The following CSMD1 variants were observed in gnomAD, a reference collection of about 807,000 sequenced individuals.
CSMD1 encodes the protein CUB and sushi domain-containing protein 1.
In CSMD1, 213 loss-of-function variants were observed where a neutral mutation model predicts 417.5. The observed-to-expected ratio is 0.51, with a 90% CI of 0.46 to 0.57. The LOEUF (loss-of-function observed/expected upper bound fraction) is 0.57, where lower values mean the gene tolerates loss of function less well. Among genes scored for constraint, CSMD1 ranks in the 20% least tolerant of loss-of-function variants. The pLI is 0.00. For missense variants in CSMD1, 6,923 were observed against 4,529.7 expected, an observed-to-expected ratio of 1.53 and a Z score of -15.17; for synonymous variants, 2,862 against 1,736.8, an observed-to-expected ratio of 1.65 and a Z score of -16.11.
chr8:4,955,767 AACTG>A (rs201515080), intron 1 of CSMD1, among the ~76,000 whole-genome samples: 70,634 of 151,708 alleles, frequency 0.47, 17,377 homozygotes, highest in East Asian at 0.78. Context: ...CTCTCTTCCA[AACTG>A]CATGTTAGGT....
intron 1 of CSMD1, among the ~76,000 whole-genome samples, chr8:4,663,106 C>T (rs1804703951): frequency 6.6e-6 from 1 of 152,146 alleles, no homozygotes; most frequent in Non-Finnish European, 1.5e-5. Flanking sequence ...AGGGCCAGAT[C>T]ACGTGGGCTT....
intron 3 of CSMD1, among the ~76,000 whole-genome samples, chr8:4,324,618 G>C (rs569546460): frequency 1.3e-5 from 2 of 152,314 alleles, no homozygotes; most frequent in East Asian, 3.9e-4. Flanking sequence ...GGCCATTTAT[G>C]ACCTCCCATA....
chr8:3,342,497 A>G (rs1807723065), intron 23 of CSMD1, among the ~76,000 whole-genome samples: 1 of 152,226 alleles, frequency 6.6e-6, no homozygotes. Flanking sequence ...TAATTAGTTA[A>G]TTTTAATTAC....
intron 3 of CSMD1, among the ~76,000 whole-genome samples, chr8:4,179,257 C>A (rs1175273820): frequency 6.6e-6 from 1 of 151,978 alleles, no homozygotes; most frequent in East Asian, 1.9e-4. Flanking sequence ...AGAACAGAGC[C>A]CTCAGAAATA....
At chr8:3,571,905 C>T (rs1020568825) in intron 10 of CSMD1, among the ~76,000 whole-genome samples, 1 of 152,214 alleles carries the variant, frequency 6.6e-6, no homozygotes, top group Non-Finnish European at 1.5e-5. Flanking sequence ...GTCCTCTCCA[C>T]CGAAAGGGCT....
intron 5 of CSMD1, among the ~76,000 whole-genome samples, chr8:3,975,551 G>C (rs986209822): frequency 2.0e-5 from 3 of 152,116 alleles, no homozygotes; most frequent in Non-Finnish European, 4.4e-5. Flanking sequence ...CCCACTGTCG[G>C]GATGACGGGC....
chr8:4,429,779 T>C (rs1479069949), intron 2 of CSMD1, among the ~76,000 whole-genome samples: 1 of 152,150 alleles, frequency 6.6e-6, no homozygotes, highest in Non-Finnish European at 1.5e-5. Context: ...CACCCGTATT[T>C]GTTGAAATAT....
intron 5 of CSMD1, among the ~76,000 whole-genome samples, chr8:3,838,607 T>A (rs1325970167): frequency 7.3e-6 from 1 of 137,092 alleles, no homozygotes; most frequent in East Asian, 2.0e-4. Flanking sequence ...TATAAATATT[T>A]ATATATAATA....
intron 6 of CSMD1, among the ~76,000 whole-genome samples, chr8:3,717,409 T>C (rs912952379): frequency 9.8e-5 from 14 of 143,126 alleles, no homozygotes; most frequent in African/African-American, 3.2e-4. Flanking sequence ...AATTTTGTTT[T>C]TCTTTTCCAT....
At chr8:3,306,086 C>A (rs1352797742) in intron 25 of CSMD1, among the ~76,000 whole-genome samples, 1 of 151,902 alleles carries the variant, frequency 6.6e-6, no homozygotes, top group Non-Finnish European at 1.5e-5. Flanking sequence ...TAGGGAGAAC[C>A]TTTCTCATGT....
chr8:4,772,015 T>A (rs1288101806), intron 1 of CSMD1, among the ~76,000 whole-genome samples: 1 of 152,198 alleles, frequency 6.6e-6, no homozygotes, highest in Non-Finnish European at 1.5e-5. Flanking sequence ...TTCACTGCTC[T>A]GCAGGTTAAA....
At chr8:3,388,181 G>A (rs1392101701) in intron 17 of CSMD1, among the ~76,000 whole-genome samples, 1 of 152,124 alleles carries the variant, frequency 6.6e-6, no homozygotes, top group Non-Finnish European at 1.5e-5. Context: ...CTGTGCTAGT[G>A]TTATTTTTCT....
chr8:4,555,751 A>T (rs1334522595), intron 2 of CSMD1, among the ~76,000 whole-genome samples: 3 of 152,190 alleles, frequency 2.0e-5, no homozygotes, highest in Admixed American at 2.0e-4. Flanking sequence ...AGAAAGTTCC[A>T]TTTCAGTTAA....
At chr8:4,457,363 G>C (rs1022367439) in intron 2 of CSMD1, among the ~76,000 whole-genome samples, 1 of 152,120 alleles carries the variant, frequency 6.6e-6, no homozygotes, top group African/African-American at 2.4e-5. Flanking sequence ...GGAGGAAGAA[G>C]TGATTGGGGC....
intron 3 of CSMD1, among the ~76,000 whole-genome samples, chr8:4,301,345 T>C (rs1388018333): frequency 6.6e-6 from 1 of 152,254 alleles, no homozygotes; most frequent in African/African-American, 2.4e-5. Context: ...GTTATGCTTT[T>C]GCTTTGACTG....
At chr8:3,416,710 T>G (rs1161516) in intron 12 of CSMD1, among the ~76,000 whole-genome samples, 132,305 of 152,106 alleles carry the variant, frequency 0.87, 57,874 homozygotes, top group Middle Eastern at 0.93. Flanking sequence ...GTTGATGGCA[T>G]GTCAGGCAAG....
intron 5 of CSMD1, among the ~76,000 whole-genome samples, chr8:3,995,164 T>C (rs76493483): frequency 3.9e-5 from 6 of 152,338 alleles, no homozygotes; most frequent in African/African-American, 1.4e-4. Flanking sequence ...TATGCATTTG[T>C]ATAGGCCTTA....
At chr8:3,583,768 C>T (rs2116986398) in intron 9 of CSMD1, among the ~76,000 whole-genome samples, 1 of 152,174 alleles carries the variant, frequency 6.6e-6, no homozygotes, top group Non-Finnish European at 1.5e-5. Context: ...GAGCGTGTGG[C>T]TGCGCAGCCA....
chr8:4,226,905 T>C (rs1391226138), intron 3 of CSMD1, among the ~76,000 whole-genome samples: 3 of 152,210 alleles, frequency 2.0e-5, no homozygotes, highest in East Asian at 1.9e-4. Flanking sequence ...AAAGGATTTT[T>C]TGTTGTTGTT....
Sources: allele counts gnomAD v4.1 joint callset (sites outside exome capture counted in the v4.1 genomes callset), GRCh38; gene constraint gnomAD v4.1.1; transcripts MANE v1.5; gene names NCBI Gene and HGNC (gene_info 2026-07-23, HGNC 2026-07-21).